Variants in MAST4 observed in about 807,000 individuals in gnomAD.
MAST4 encodes the protein microtubule associated serine/threonine kinase family member 4, also known as microtubule-associated serine/threonine-protein kinase 4.
In MAST4, 89 loss-of-function variants were observed where a neutral mutation model predicts 162.7. That is an observed-to-expected ratio of 0.55 (90% CI 0.46 to 0.65). The LOEUF (loss-of-function observed/expected upper bound fraction) is 0.65. Among genes scored for constraint, MAST4 ranks in the 30% least tolerant of loss-of-function variants. The pLI, the probability that MAST4 is intolerant of heterozygous loss-of-function variation, is 0.00. For missense variants in MAST4, 3,153 were observed against 3,374.0 expected, an observed-to-expected ratio of 0.93 and a Z score of 1.62; for synonymous variants, 1,479 against 1,361.1, an observed-to-expected ratio of 1.09 and a Z score of -1.91.
At chr5:66,754,821 C>T (rs1753427493) in intron 1 of MAST4, among the ~76,000 whole-genome samples, 1 of 152,266 alleles carries the variant, frequency 6.6e-6, no homozygotes, top group East Asian at 1.9e-4. Flanking sequence ...TTTACATAGG[C>T]ATTTACAGAG....
intron 1 of MAST4, among the ~76,000 whole-genome samples, chr5:66,747,059 G>A (rs986365999): frequency 5.3e-5 from 8 of 151,436 alleles, no homozygotes; most frequent in Non-Finnish European, 1.2e-4. Context: ...GGGCTGTGAT[G>A]AAATTGTATT....
At chr5:66,935,900 T>C (rs1742693966) in intron 4 of MAST4, among the ~76,000 whole-genome samples, 1 of 152,116 alleles carries the variant, frequency 6.6e-6, no homozygotes, top group Non-Finnish European at 1.5e-5. Context: ...ACTCCTGACC[T>C]CAAATAATCC....
At chr5:66,968,189 C>G (rs1746983857) in intron 4 of MAST4, among the ~76,000 whole-genome samples, 1 of 152,182 alleles carries the variant, frequency 6.6e-6, no homozygotes, top group African/African-American at 2.4e-5. Flanking sequence ...TTCTTTTGTA[C>G]TTCTGCTTCA....
At chr5:66,864,195 T>C (rs36156) in intron 3 of MAST4, among the ~76,000 whole-genome samples, 82,484 of 151,880 alleles carry the variant, frequency 0.54, 23,654 homozygotes, top group Non-Finnish European at 0.64. Context: ...ATAATAAATG[T>C]TATAATGTAA....
At chr5:67,012,212 T>C (rs528959734) in intron 4 of MAST4, among the ~76,000 whole-genome samples, 2 of 152,338 alleles carry the variant, frequency 1.3e-5, no homozygotes, top group African/African-American at 2.4e-5. Context: ...ATTTGCCTTC[T>C]GGGTTAAAGA....
At chr5:66,684,215 G>C (rs572645134) in intron 1 of MAST4, among the ~76,000 whole-genome samples, 1 of 152,334 alleles carries the variant, frequency 6.6e-6, no homozygotes, top group East Asian at 1.9e-4. Flanking sequence ...ATAGGGCACA[G>C]ATCTAACTGG....
intron 3 of MAST4, chr5:66,792,573 A>G (rs1028288931): frequency 6.6e-6 from 1 of 152,234 alleles, no homozygotes; most frequent in East Asian, 1.9e-4. Context: ...GTTGAGCACG[A>G]TGGTGTGATT....
At chr5:66,977,935 G>A (rs1432898279) in intron 4 of MAST4, among the ~76,000 whole-genome samples, 1 of 152,088 alleles carries the variant, frequency 6.6e-6, no homozygotes, top group Non-Finnish European at 1.5e-5. Context: ...GTCTCCAAAG[G>A]CATTTTTATT....
chr5:66,629,000 C>T (rs1299297211), intron 1 of MAST4, among the ~76,000 whole-genome samples: 7 of 152,092 alleles, frequency 4.6e-5, no homozygotes, highest in Non-Finnish European at 8.8e-5. Context: ...ACATTAGGGA[C>T]CCAAACAATG....
chr5:66,638,886 A>G (rs745809324), intron 1 of MAST4, among the ~76,000 whole-genome samples: 1 of 152,144 alleles, frequency 6.6e-6, no homozygotes, highest in African/African-American at 2.4e-5. Flanking sequence ...ATTGGGTGCC[A>G]TTTACTGAGA....
intron 4 of MAST4, among the ~76,000 whole-genome samples, chr5:66,969,691 A>C (rs1333174125): frequency 6.6e-6 from 1 of 152,188 alleles, no homozygotes; most frequent in Non-Finnish European, 1.5e-5. Flanking sequence ...AGGGGCAGAC[A>C]TCATAGGCAT....
intron 1 of MAST4, among the ~76,000 whole-genome samples, chr5:66,729,852 A>C (rs2149552355): frequency 6.6e-6 from 1 of 152,302 alleles, no homozygotes; most frequent in South Asian, 2.1e-4. Context: ...GCTGAGTTTC[A>C]AGCTTTGGCA....
chr5:66,883,174 G>A (rs1187001776), intron 3 of MAST4, among the ~76,000 whole-genome samples: 2 of 152,196 alleles, frequency 1.3e-5, no homozygotes, highest in Non-Finnish European at 2.9e-5. Flanking sequence ...AGGAGGAGGA[G>A]GAATCTGCTA....
intron 4 of MAST4, among the ~76,000 whole-genome samples, chr5:66,960,440 A>G (rs1025206821): frequency 1.3e-5 from 2 of 152,216 alleles, no homozygotes; most frequent in Non-Finnish European, 2.9e-5. Context: ...TAGAGGTACG[A>G]ATAGTATTTA....
At chr5:66,868,491 CTT>C (rs59614413) in intron 3 of MAST4, among the ~76,000 whole-genome samples, 14 of 135,602 alleles carry the variant, frequency 1.0e-4, no homozygotes, top group African/African-American at 1.6e-4. Flanking sequence ...CCATCACAAA[CTT>C]TTTTTTTTTT....
intron 2 of MAST4, among the ~76,000 whole-genome samples, chr5:66,771,186 CTTTTTTTTT>C (rs536857710): frequency 6.9e-6 from 1 of 145,436 alleles, no homozygotes; most frequent in South Asian, 2.2e-4. Flanking sequence ...TCTTTTCTTT[CTTTTTTTTT>C]TTTATTTGAG....
chr5:66,878,296 A>G (rs1761441705), intron 3 of MAST4, among the ~76,000 whole-genome samples: 1 of 152,244 alleles, frequency 6.6e-6, no homozygotes, highest in African/African-American at 2.4e-5. Context: ...CAAAGCTATG[A>G]CAGCGTGTAT....
chr5:66,919,689 G>A (rs1488764488), intron 4 of MAST4, among the ~76,000 whole-genome samples: 4 of 149,868 alleles, frequency 2.7e-5, no homozygotes, highest in African/African-American at 9.8e-5. Context: ...AGAGAAAAAG[G>A]TGATAAACAG....
intron 14 of MAST4, among the ~76,000 whole-genome samples, chr5:67,125,575 C>T (rs573542544): frequency 3.1e-4 from 47 of 152,218 alleles, no homozygotes; most frequent in African/African-American, 1.1e-3. Flanking sequence ...CTGTAAAGGA[C>T]GTGAACTCAT....
Sources: gnomAD v4.1 joint callset for allele counts (sites outside exome capture counted in the v4.1 genomes callset) on GRCh38, gnomAD v4.1.1 for gene constraint, MANE v1.5 for transcripts, NCBI Gene and HGNC (gene_info 2026-07-23, HGNC 2026-07-21) for gene names.